Variants in DENND1A observed in about 807,000 individuals in gnomAD.
The protein encoded by DENND1A is DENN domain-containing protein 1A.
Under a neutral mutation model 113.7 loss-of-function variants are expected in DENND1A, and 51 were observed. The ratio of observed to expected loss-of-function variants is 0.45; its 90% CI spans 0.36 to 0.57. The LOEUF is 0.57. Ranked by LOEUF, DENND1A falls within the 20% of genes least tolerant of loss-of-function variation. DENND1A has a pLI of 0.00. For missense variants in DENND1A, 1,258 were observed against 1,395.9 expected, an observed-to-expected ratio of 0.90 and a Z score of 1.57; for synonymous variants, 565 against 570.8, an observed-to-expected ratio of 0.99 and a Z score of 0.14.
At chr9:123,444,363 T>C (rs1330511019) in intron 18 of DENND1A, among the ~76,000 whole-genome samples, 1 of 152,204 alleles carries the variant, frequency 6.6e-6, no homozygotes, top group African/African-American at 2.4e-5. Context: ...TCTGATGTAG[T>C]CATTTAAAAT....
chr9:123,599,613 G>A (rs1029153098), intron 11 of DENND1A, among the ~76,000 whole-genome samples: 1 of 152,222 alleles, frequency 6.6e-6, no homozygotes, highest in South Asian at 2.1e-4. Flanking sequence ...GAAGCTCAGC[G>A]ACTTGCCCAA....
chr9:123,831,358 A>C (rs1840184092), intron 2 of DENND1A, among the ~76,000 whole-genome samples: 1 of 152,216 alleles, frequency 6.6e-6, no homozygotes, highest in Admixed American at 6.5e-5. Flanking sequence ...CTAAATATGT[A>C]AATAATCAAA....
At chr9:123,489,451 C>T (rs1432263686) in intron 13 of DENND1A, among the ~76,000 whole-genome samples, 3 of 152,326 alleles carry the variant, frequency 2.0e-5, no homozygotes, top group Admixed American at 6.5e-5. Context: ...CTGAAGGGCA[C>T]TGAACTTTTT....
intron 2 of DENND1A, among the ~76,000 whole-genome samples, chr9:123,842,047 A>G (rs1218054632): frequency 2.0e-5 from 3 of 152,364 alleles, no homozygotes; most frequent in African/African-American, 7.2e-5. Flanking sequence ...CATTTATTCA[A>G]CATGCAATTC....
intron 9 of DENND1A, among the ~76,000 whole-genome samples, chr9:123,644,543 G>A (rs948911901): frequency 1.3e-5 from 2 of 151,658 alleles, no homozygotes; most frequent in African/African-American, 4.8e-5. Context: ...TTAGTGGGGT[G>A]GCTATTCCTA....
intron 5 of DENND1A, among the ~76,000 whole-genome samples, chr9:123,677,956 C>T (rs923900735): frequency 1.3e-5 from 2 of 152,130 alleles, no homozygotes; most frequent in Non-Finnish European, 2.9e-5. Flanking sequence ...TATCTTTGAG[C>T]CTGCCTGGGC....
intron 2 of DENND1A, among the ~76,000 whole-genome samples, chr9:123,876,388 T>C (rs546342000): frequency 1.3e-5 from 2 of 152,330 alleles, no homozygotes; most frequent in East Asian, 3.9e-4. Flanking sequence ...ACTGACATTA[T>C]ATCAATATTA....
At position 123,583,278 on chromosome 9, in the gene DENND1A, G is replaced by A; in HGVS notation, c.766-8C>T. On this transcript the variant is annotated splice_region_variant and splice_polypyrimidine_tract_variant and intron_variant, in intron 11 of 23. Coordinates refer to ENST00000394215, the MANE Select transcript of DENND1A (RefSeq NM_001352964.2). ...GGCCATGTTTCTGACTTTCTGCAAGGAGAAAAAAATCCACAAGAGAAGGTC... is the reference window on the plus strand; with the variant it reads ...GGCCATGTTTCTGACTTTCTGCAAGAAGAAAAAAATCCACAAGAGAAGGTC... 1 of 1,605,932 alleles carries A rather than the reference G, an allele frequency of 6.2e-7. No individual in the cohort carries two copies. Among genetic ancestry groups the A allele is most frequent in the Admixed American group, 1.7e-5 (1 of 59,134 alleles).
In DENND1A at chr9:123,882,322, C is replaced by CAA. The variant is rs59820553; in HGVS notation, c.18-3303_18-3302dup. On this transcript the variant is annotated intron_variant, in intron 1 of 23. Coordinates refer to ENST00000394215, the MANE Select transcript of DENND1A (RefSeq NM_001352964.2). ...TGAGCAACATAGCAAAACCTTGTTT[C>CAA]AAAAAAAAAAAAAAAAAATCCCATT... 4.1e-3 allele frequency among the ~76,000 whole-genome samples: 509 copies of CAA among 124,374 alleles called. 2 individuals are homozygous for CAA. Among genetic ancestry groups the CAA allele is most frequent in the African/African-American group, 9.0e-3 (327 of 36,354 alleles). The allele number at this position is 124,374 out of a possible 152,430, so 81.6% of individuals were successfully genotyped here.
chr9:123,914,559 A>AG (rs1199132883), intron 1 of DENND1A, among the ~76,000 whole-genome samples: 3 of 151,470 alleles, frequency 2.0e-5, no homozygotes, highest in African/African-American at 4.9e-5. Context: ...AAAAAAAAAA[A>AG]AAAAGAAATA....
At chr9:123,723,247 T>A (rs2067466015) in intron 5 of DENND1A, among the ~76,000 whole-genome samples, 1 of 152,238 alleles carries the variant, frequency 6.6e-6, no homozygotes, top group African/African-American at 2.4e-5. Flanking sequence ...TTACCCAATT[T>A]CTGTACCCCC....
intron 21 of DENND1A, among the ~76,000 whole-genome samples, chr9:123,395,649 T>C (rs905235109): frequency 6.6e-6 from 1 of 152,048 alleles, no homozygotes; most frequent in Admixed American, 6.5e-5. Flanking sequence ...CCCTACCCCC[T>C]GGGGCCGAGG....
rs1336495800 is a variant in DENND1A, at chr9:123,583,159, C to T, written c.867+10G>A. On this transcript the variant is annotated intron_variant, in intron 12 of 23. Transcript: ENST00000394215. ...CACAGAAGTGAGATCCTCGCAAGCT[C>T]ATTACCTACCACGTCGTTTGGGAGG... is the stretch of plus-strand genomic sequence containing the variant. 1 of 1,600,396 alleles carries T rather than the reference C, an allele frequency of 6.2e-7. No individual in the cohort carries two copies. The highest frequency in any genetic ancestry group is 2.2e-5 in the East Asian group (1 of 44,510).
At chr9:123,882,421 C>T (rs1254797886) in intron 1 of DENND1A, among the ~76,000 whole-genome samples, 1 of 151,768 alleles carries the variant, frequency 6.6e-6, no homozygotes, top group Non-Finnish European at 1.5e-5. Flanking sequence ...CTGAACTCTA[C>T]TAGTTGCTGA....
intron 5 of DENND1A, among the ~76,000 whole-genome samples, chr9:123,753,057 C>G (rs946172306): frequency 6.6e-6 from 1 of 152,110 alleles, no homozygotes; most frequent in African/African-American, 2.4e-5. Flanking sequence ...TTGTTTGGTA[C>G]GACTAGGTTT....
At chr9:123,763,928 T>C (rs745957546) in intron 4 of DENND1A, among the ~76,000 whole-genome samples, 1 of 151,774 alleles carries the variant, frequency 6.6e-6, no homozygotes, top group Non-Finnish European at 1.5e-5. Flanking sequence ...GTTCAAAAAA[T>C]AGAGAATCAG....
At chr9:123,415,606 A>C (rs530363732) in intron 19 of DENND1A, among the ~76,000 whole-genome samples, 1 of 152,206 alleles carries the variant, frequency 6.6e-6, no homozygotes, top group African/African-American at 2.4e-5. Flanking sequence ...ACACTAGAAC[A>C]TCTGATTGTG....
intron 13 of DENND1A, among the ~76,000 whole-genome samples, chr9:123,538,227 G>A (rs1275832603): frequency 6.6e-6 from 1 of 152,202 alleles, no homozygotes; most frequent in Non-Finnish European, 1.5e-5. Flanking sequence ...ATATGGGAGA[G>A]AGGAAATACA....
intron 2 of DENND1A, among the ~76,000 whole-genome samples, chr9:123,823,315 T>G (rs1254527591): frequency 1.3e-5 from 2 of 152,120 alleles, no homozygotes; most frequent in African/African-American, 2.4e-5. Flanking sequence ...AGGAATTGGA[T>G]AGGCAAAAGT....
Sources: allele counts gnomAD v4.1 joint callset (sites outside exome capture counted in the v4.1 genomes callset), GRCh38; gene constraint gnomAD v4.1.1; transcripts MANE v1.5; gene names NCBI Gene and HGNC (gene_info 2026-07-23, HGNC 2026-07-21).